The following PIGK variants were observed in gnomAD, a reference collection of about 807,000 sequenced individuals.
PIGK encodes the protein GPI-anchor transamidase.
PIGK carries 42 observed loss-of-function variants against 50.6 expected under a neutral mutation model. That is an observed-to-expected ratio of 0.83 (90% CI 0.65 to 1.07). The LOEUF (loss-of-function observed/expected upper bound fraction) is 1.07, where lower values mean the gene tolerates loss of function less well. Ranked by LOEUF, PIGK falls within the 50% of genes least tolerant of loss-of-function variation. The pLI is 0.00. For synonymous variants in PIGK, 151 were observed against 156.0 expected (o/e 0.97, Z 0.24); for missense variants, 448 against 488.7 (o/e 0.92, Z 0.78).
At chr1:77,167,261 G>A (rs962517819) in intron 4 of PIGK, among the ~76,000 whole-genome samples, 1 of 152,118 alleles carries the variant, frequency 6.6e-6, no homozygotes, top group African/African-American at 2.4e-5. Context: ...TGAGGCAGAA[G>A]GCTCATTTGA....
chr1:77,116,367 A>G (rs893557867), intron 10 of PIGK, among the ~76,000 whole-genome samples: 1 of 151,848 alleles, frequency 6.6e-6, no homozygotes, highest in African/African-American at 2.4e-5. Flanking sequence ...TTGTGTTTTT[A>G]GTAGAGACGG....
intron 9 of PIGK, among the ~76,000 whole-genome samples, chr1:77,145,574 G>A (rs908128078): frequency 2.0e-5 from 3 of 151,916 alleles, no homozygotes; most frequent in Non-Finnish European, 4.4e-5. Context: ...ATATACTCAC[G>A]GATTGTGAGG....
At chr1:77,215,067 A>G (rs1192455868) in intron 1 of PIGK, among the ~76,000 whole-genome samples, 1 of 152,192 alleles carries the variant, frequency 6.6e-6, no homozygotes, top group African/African-American at 2.4e-5. Context: ...TAAAATGACC[A>G]CATCACCTAA....
In PIGK at chr1:77,210,461, C is replaced by T; in HGVS notation, c.122G>A (p.Gly41Asp). ...CAGAACAGCCCAGTTGTTTGTATGG[C>T]CACTTCTAAAGAATTGTTCTGCTTG... ...EDQAEQFFRS[G>D]HTNNWAVLVC... The change falls in exon 2 of 11, where the codon GGC (glycine) becomes GAC (aspartate). Residue 41 changes from glycine to aspartate, a missense_variant. Coordinates refer to ENST00000370812, the MANE Select transcript of PIGK (RefSeq NM_005482.3). The T allele has an allele frequency of 3.8e-6, 6 of 1,594,132 alleles. No homozygotes were observed. Among genetic ancestry groups the T allele is most frequent in the Non-Finnish European group, 4.3e-6 (5 of 1,167,384 alleles).
At chr1:77,105,820 A>T (rs1653657428) in intron 10 of PIGK, among the ~76,000 whole-genome samples, 1 of 152,234 alleles carries the variant, frequency 6.6e-6, no homozygotes, top group South Asian at 2.1e-4. Context: ...TGTGGCCCAC[A>T]GGCCTAAAAT....
At chr1:77,217,379 C>G (rs1656592608) in intron 1 of PIGK, among the ~76,000 whole-genome samples, 1 of 152,076 alleles carries the variant, frequency 6.6e-6, no homozygotes, top group Admixed American at 6.5e-5. Flanking sequence ...GGAGACAGCT[C>G]TAATGTGAGA....
At position 77,126,595 on chromosome 1, in the gene PIGK, C is replaced by G. The variant is rs570703370; in HGVS notation, c.987-4236G>C. 2.0e-5 allele frequency among the ~76,000 whole-genome samples: 3 copies of G among 152,288 alleles called. No individual in the cohort carries two copies. The South Asian group carries it at 6.2e-4, about 32-fold the overall frequency. ...ACGACTCCAAGGGACACCACAGCCC[C>G]ACTCTGTCCTTTGCAAGGTGTCTTC... On this transcript the variant is annotated intron_variant, in intron 9 of 10. Transcript: ENST00000370812.
intron 5 of PIGK, 150 bp from the exon 6 acceptor site, chr1:77,164,092 T>C (rs1655185062): frequency 1.9e-6 from 1 of 515,858 alleles, no homozygotes; most frequent in Non-Finnish European, 3.4e-6. Flanking sequence ...AATTGAATTT[T>C]CTACTATGCC....
At chr1:77,118,031 TAAAC>T (rs1654018123) in intron 10 of PIGK, among the ~76,000 whole-genome samples, 1 of 152,180 alleles carries the variant, frequency 6.6e-6, no homozygotes, top group South Asian at 2.1e-4. Context: ...CTGATAAAAA[TAAAC>T]AATTCTAACA....
chr1:77,092,250 A>C lies in PIGK; in HGVS notation c.*124T>G. 1 of 522,642 alleles carries C rather than the reference A, an allele frequency of 1.9e-6. No individual in the cohort carries two copies. The highest frequency in any genetic ancestry group is 3.5e-5 in the East Asian group (1 of 28,676). 32.4% of individuals were successfully genotyped at this position (522,642 alleles called of 1,614,324 possible). On this transcript the variant is annotated 3_prime_UTR_variant, in exon 11 of 11. Transcript: ENST00000370812. ...AAGTTATAAAATTAATAGTTGATTCAAATTTAGTTTCCTTATACTTATTTC... is the reference window on the plus strand; with the variant it reads ...AAGTTATAAAATTAATAGTTGATTCCAATTTAGTTTCCTTATACTTATTTC...
At chr1:77,134,697 C>T (rs1174092513) in intron 9 of PIGK, among the ~76,000 whole-genome samples, 2 of 151,352 alleles carry the variant, frequency 1.3e-5, no homozygotes, top group African/African-American at 4.9e-5. Context: ...ATTGCTTCTA[C>T]ATCTGATATT....
At chr1:77,185,266 T>C (rs561991267) in intron 3 of PIGK, among the ~76,000 whole-genome samples, 40 of 152,290 alleles carry the variant, frequency 2.6e-4, no homozygotes, top group African/African-American at 8.4e-4. Context: ...GTCATAATCT[T>C]ATTTAGAGAG....
At chr1:77,146,238 T>G (rs1654764368) in intron 9 of PIGK, among the ~76,000 whole-genome samples, 1 of 152,040 alleles carries the variant, frequency 6.6e-6, no homozygotes, top group Non-Finnish European at 1.5e-5. Context: ...CTATAAAACT[T>G]CTAGAAGAAA....
intron 10 of PIGK, among the ~76,000 whole-genome samples, chr1:77,096,898 GT>G (rs1237259579): frequency 3.3e-5 from 3 of 92,136 alleles, no homozygotes; most frequent in African/African-American, 7.9e-5. Flanking sequence ...TTTTTTTTTT[GT>G]TTTTTTGTTT....
intron 8 of PIGK, among the ~76,000 whole-genome samples, chr1:77,158,394 A>G (rs1033782827): frequency 1.3e-5 from 2 of 152,100 alleles, no homozygotes; most frequent in Non-Finnish European, 2.9e-5. Flanking sequence ...GTACAAATAC[A>G]GTAAATTGGT....
intron 9 of PIGK, among the ~76,000 whole-genome samples, chr1:77,147,866 T>C (rs368259451): frequency 1.3e-5 from 2 of 152,374 alleles, no homozygotes; most frequent in East Asian, 1.9e-4. Context: ...TATAACTTTA[T>C]CTTACTTAAC....
At chr1:77,136,647 G>A (rs939428706) in intron 9 of PIGK, among the ~76,000 whole-genome samples, 1 of 151,770 alleles carries the variant, frequency 6.6e-6, no homozygotes, top group Non-Finnish European at 1.5e-5. Context: ...TACTTAGGGA[G>A]TTCTAAAATG....
chr1:77,215,461 A>G (rs919786439), intron 1 of PIGK, among the ~76,000 whole-genome samples: 5 of 152,180 alleles, frequency 3.3e-5, no homozygotes, highest in African/African-American at 9.7e-5. Context: ...ATTCTTATAC[A>G]CTGCTGGTGG....
intron 6 of PIGK, 41 bp from the exon 7 acceptor site, chr1:77,161,752 G>C (rs1235320864): frequency 1.2e-6 from 1 of 824,580 alleles, no homozygotes; most frequent in South Asian, 1.4e-5. Context: ...GGATCATGCT[G>C]TAAATCATAC....
Sources: gnomAD v4.1 joint callset for allele counts (sites outside exome capture counted in the v4.1 genomes callset) on GRCh38, gnomAD v4.1.1 for gene constraint, MANE v1.5 for transcripts, NCBI Gene and HGNC (gene_info 2026-07-23, HGNC 2026-07-21) for gene names.